ENKUR: variants seen among roughly 807,000 people sequenced by gnomAD.
ENKUR encodes the protein enkurin, TRPC channel interacting protein, also known as enkurin.
In ENKUR, 19 loss-of-function variants were observed where a neutral mutation model predicts 27.6. The observed-to-expected ratio is 0.69, with a 90% CI of 0.48 to 1.01. The LOEUF (loss-of-function observed/expected upper bound fraction) is 1.01, where lower values mean the gene tolerates loss of function less well. ENKUR is among the 50% of genes least tolerant of loss of function. The pLI is 0.00. For synonymous variants in ENKUR, 117 were observed against 96.9 expected (o/e 1.21, Z -1.22); for missense variants, 312 against 310.5 (o/e 1.00, Z -0.04).
At chr10:25,036,297 T>C (rs2130463900) in intron 2 of ENKUR, among the ~76,000 whole-genome samples, 1 of 152,298 alleles carries the variant, frequency 6.6e-6, no homozygotes, top group African/African-American at 2.4e-5. Flanking sequence ...CCATTTTGCT[T>C]GGTCCTCATT....
intron 2 of ENKUR, among the ~76,000 whole-genome samples, chr10:25,057,958 T>G (rs1287300898): frequency 2.6e-5 from 4 of 152,064 alleles, no homozygotes; most frequent in Non-Finnish European, 5.9e-5. Context: ...TAAAATAACA[T>G]CATGATAAAA....
At chr10:25,027,606 T>C (rs1258799974) in intron 2 of ENKUR, among the ~76,000 whole-genome samples, 1 of 151,540 alleles carries the variant, frequency 6.6e-6, no homozygotes, top group Non-Finnish European at 1.5e-5. Context: ...ACATGATTTC[T>C]GGCTGGGCGC....
intron 2 of ENKUR, chr10:25,021,885 C>T (rs1176802172): frequency 2.0e-5 from 3 of 152,148 alleles, no homozygotes; most frequent in Non-Finnish European, 4.4e-5. Flanking sequence ...TGAATTACCT[C>T]CCTTGACGGC....
chr10:25,020,890 A>G (rs1393303035), upstream of ENKUR, among the ~76,000 whole-genome samples: 2 of 152,212 alleles, frequency 1.3e-5, no homozygotes, highest in African/African-American at 4.8e-5. Flanking sequence ...ATAGGAGGTT[A>G]ATCAGACTGT....
chr10:24,992,267 T>C (rs538332657), intron 3 of ENKUR, among the ~76,000 whole-genome samples: 5 of 152,250 alleles, frequency 3.3e-5, no homozygotes, highest in East Asian at 1.9e-4. Context: ...AATGAAATAA[T>C]ATGTATGTGT....
intron 2 of ENKUR, among the ~76,000 whole-genome samples, chr10:25,050,617 T>G (rs1400452012): frequency 6.6e-6 from 1 of 152,070 alleles, no homozygotes; most frequent in East Asian, 1.9e-4. Flanking sequence ...CATTTGAGAT[T>G]TGGGTGGGGA....
At chr10:25,053,707 CA>C (rs1851214634) in intron 2 of ENKUR, among the ~76,000 whole-genome samples, 2 of 152,156 alleles carry the variant, frequency 1.3e-5, no homozygotes, top group South Asian at 4.1e-4. Flanking sequence ...TGTTCTTGGT[CA>C]CTCAGGTAGT....
At chr10:25,061,122 A>G (rs1264137889) in exon 2 of ENKUR, 1 of 1,535,948 alleles carries the variant, frequency 6.5e-7, no homozygotes, top group Non-Finnish European at 8.7e-7. Context: ...CTGGGGAGCC[A>G]CCTCCAGTCA....
intron 2 of ENKUR, among the ~76,000 whole-genome samples, chr10:25,041,536 G>A (rs1247113723): frequency 6.6e-6 from 1 of 151,890 alleles, no homozygotes; most frequent in East Asian, 1.9e-4. Context: ...TATACTAGAT[G>A]TTTTCATGTT....
chr10:25,058,625 C>A lies in ENKUR; in HGVS notation c.37+2487G>T, dbSNP rs1468229843. Among the ~76,000 whole-genome samples the A allele has an allele frequency of 2.6e-5, 4 of 152,122 alleles. No homozygotes were observed. The East Asian group carries it at 7.7e-4, about 29-fold the overall frequency. The stretch of plus-strand genomic sequence containing the variant: ...TAGCCAACAAGAGAGAGACCTATAG[C>A]TGGCCAATTAGTAAGGAGGGGGAGG... On this transcript the variant is annotated intron_variant, in intron 2 of 5. Transcript: ENST00000615958.
intron 1 of ENKUR, among the ~76,000 whole-genome samples, chr10:25,012,300 A>G (rs1455801031): frequency 6.6e-6 from 1 of 152,230 alleles, no homozygotes; most frequent in Non-Finnish European, 1.5e-5. Context: ...AGCCCCCCAC[A>G]CAGAATTCCC....
intron 2 of ENKUR, among the ~76,000 whole-genome samples, chr10:25,053,836 G>T (rs1408015561): frequency 6.6e-6 from 1 of 151,936 alleles, no homozygotes; most frequent in African/African-American, 2.4e-5. Flanking sequence ...ACATGAAAAG[G>T]CATAAAAATA....
intron 1 of ENKUR, 71 bp downstream of exon 1, chr10:25,015,789 T>C: frequency 1.5e-6 from 2 of 1,342,698 alleles, no homozygotes; most frequent in Non-Finnish European, 2.0e-6. Context: ...AATTCCAGTA[T>C]ATGTATGCTT....
chr10:25,010,940 G>A (rs373255368), intron 1 of ENKUR, among the ~76,000 whole-genome samples: 17 of 151,286 alleles, frequency 1.1e-4, no homozygotes, highest in African/African-American at 3.9e-4. Flanking sequence ...CATGATTTAT[G>A]GTCCTTTGGG....
intron 4 of ENKUR, among the ~76,000 whole-genome samples, chr10:24,985,662 A>G (rs1282081812): frequency 6.6e-6 from 1 of 152,212 alleles, no homozygotes; most frequent in Non-Finnish European, 1.5e-5. Context: ...CATAATTATC[A>G]TTTTTTTATC....
intron 1 of ENKUR, among the ~76,000 whole-genome samples, chr10:25,012,065 G>A (rs753267117): frequency 5.9e-5 from 9 of 152,232 alleles, no homozygotes; most frequent in Non-Finnish European, 1.0e-4. Flanking sequence ...ACAACGTAGA[G>A]CTCAGGCCAT....
At chr10:25,061,214 C>A in exon 2 of ENKUR, 8 of 1,448,866 alleles carry the variant, frequency 5.5e-6, no homozygotes, top group Non-Finnish European at 7.5e-6. Context: ...AGGCCCTGGG[C>A]TTTGAAATCG....
intron 2 of ENKUR, among the ~76,000 whole-genome samples, chr10:25,045,954 T>C (rs1661145777): frequency 6.6e-6 from 1 of 152,188 alleles, no homozygotes; most frequent in Admixed American, 6.5e-5. Context: ...ACTGATAGAA[T>C]TCTGATCAAT....
At chr10:25,036,537 A>G (rs1851010835) in intron 2 of ENKUR, among the ~76,000 whole-genome samples, 1 of 152,190 alleles carries the variant, frequency 6.6e-6, no homozygotes, top group Non-Finnish European at 1.5e-5. Context: ...ACAGTTTTGC[A>G]CAGACTACTG....
Sources: gnomAD v4.1 joint callset for allele counts (sites outside exome capture counted in the v4.1 genomes callset) on GRCh38, gnomAD v4.1.1 for gene constraint, MANE v1.5 for transcripts, NCBI Gene and HGNC (gene_info 2026-07-23, HGNC 2026-07-21) for gene names.